SEMA3D: variants seen among roughly 807,000 people sequenced by gnomAD.
SEMA3D encodes the protein semaphorin-3D.
In SEMA3D, 84 loss-of-function variants were observed where a neutral mutation model predicts 100.1. That is an observed-to-expected ratio of 0.84 (90% CI 0.70 to 1.01). SEMA3D has a LOEUF of 1.01. Ranked by LOEUF, SEMA3D falls within the 50% of genes least tolerant of loss-of-function variation. The probability of loss-of-function intolerance (pLI) is 0.00; values close to 1 mark genes in which losing one functional copy is unlikely to be tolerated. For synonymous variants in SEMA3D, 312 were observed against 320.7 expected, an observed-to-expected ratio of 0.97 and a Z score of 0.29; for missense variants, 875 against 934.1, an observed-to-expected ratio of 0.94 and a Z score of 0.82.
At chr7:85,045,824 C>T (rs1465719734) in intron 9 of SEMA3D, among the ~76,000 whole-genome samples, 1 of 151,802 alleles carries the variant, frequency 6.6e-6, no homozygotes, top group Non-Finnish European at 1.5e-5. Context: ...TCTCATGGCT[C>T]TTGATTTAGA....
the SEMA3D span, among the ~76,000 whole-genome samples, chr7:85,200,976 T>C: frequency 6.6e-6 from 1 of 152,220 alleles, no homozygotes; most frequent in Non-Finnish European, 1.5e-5. Context: ...TAATTTCTCT[T>C]CTCTTTGAAT....
intron 5 of SEMA3D, among the ~76,000 whole-genome samples, chr7:85,078,163 A>G (rs1006578721): frequency 5.3e-5 from 8 of 152,168 alleles, no homozygotes; most frequent in African/African-American, 1.9e-4. Context: ...ATCTCTGGTT[A>G]GTGTTCATGG....
At chr7:85,085,581 AAGGCATC>A in intron 4 of SEMA3D, among the ~76,000 whole-genome samples, 1 of 152,294 alleles carries the variant, frequency 6.6e-6, no homozygotes, top group Middle Eastern at 3.4e-3. Context: ...TATGTCAGCC[AAGGCATC>A]AAATTGAGGT....
the SEMA3D span, among the ~76,000 whole-genome samples, chr7:85,216,518 A>G: frequency 9.2e-5 from 14 of 151,964 alleles, no homozygotes; most frequent in Admixed American, 5.3e-4. Flanking sequence ...TTACTGTCTC[A>G]CCAAGGAAAT....
chr7:85,108,739 T>C (rs1332690557), intron 3 of SEMA3D, among the ~76,000 whole-genome samples: 1 of 152,040 alleles, frequency 6.6e-6, no homozygotes, highest in Admixed American at 6.6e-5. Flanking sequence ...TGTGTGTTAA[T>C]TTATGCAATG....
the SEMA3D span, among the ~76,000 whole-genome samples, chr7:85,202,391 T>C: frequency 6.6e-6 from 1 of 151,986 alleles, no homozygotes; most frequent in Non-Finnish European, 1.5e-5. Context: ...AATGAACTCA[T>C]CATTTTTTAT....
intron 10 of SEMA3D, chr7:85,041,077 T>G (rs1584543957): frequency 5.6e-6 from 1 of 177,348 alleles, no homozygotes; most frequent in South Asian, 1.1e-4. Context: ...TTTTTTTTTT[T>G]GATGGAGTCT....
intron 12 of SEMA3D, among the ~76,000 whole-genome samples, chr7:85,032,001 A>G (rs1790564275): frequency 6.6e-6 from 1 of 151,992 alleles, no homozygotes; most frequent in Non-Finnish European, 1.5e-5. Context: ...AGTGCATATT[A>G]CAGAATATTA....
At chr7:85,079,644 A>C (rs1787998233) in intron 5 of SEMA3D, among the ~76,000 whole-genome samples, 1 of 152,220 alleles carries the variant, frequency 6.6e-6, no homozygotes, top group Non-Finnish European at 1.5e-5. Flanking sequence ...GTCAGAATTT[A>C]AACCTTCACT....
At chr7:85,009,261 G>A (rs1789885704) in intron 17 of SEMA3D, among the ~76,000 whole-genome samples, 1 of 151,482 alleles carries the variant, frequency 6.6e-6, no homozygotes, top group South Asian at 2.1e-4. Flanking sequence ...TGTCATTAAA[G>A]TGCAAGATTG....
At chr7:85,068,091 G>C (rs1791675355) in intron 7 of SEMA3D, 100 bp downstream of exon 7, 1 of 712,788 alleles carries the variant, frequency 1.4e-6, no homozygotes, top group Non-Finnish European at 2.4e-6. Context: ...TGGAAGATTA[G>C]TAAAAAATTA....
chr7:85,162,966 G>A (rs906774930), intron 1 of SEMA3D: 11 of 621,482 alleles, frequency 1.8e-5, no homozygotes, highest in Non-Finnish European at 2.2e-5. Context: ...ATGTCATAAG[G>A]CAGAGGTTTA....
rs375254494 is a variant in SEMA3D, at chr7:85,012,815, C to T, written c.1735G>A (p.Asp579Asn). ...ATGTCCCAGCACTGGGTGATTGGGT[C>T]GCCATATTTTACATCTTGGCGTCTA... ...RARRQDVKYGDPITQCWDIED... is the reference protein window; with the variant it reads ...RARRQDVKYGNPITQCWDIED... Residue 579 changes from aspartate (D) to asparagine (N), a missense_variant, in exon 17 of 19, where the codon GAC (aspartate) becomes AAC (asparagine). Transcript: ENST00000284136. The T allele has an allele frequency of 1.7e-5, 28 of 1,610,430 alleles. No homozygotes were observed. Among genetic ancestry groups the T allele is most frequent in the East Asian group, 2.2e-5 (1 of 44,756 alleles).
the SEMA3D span, among the ~76,000 whole-genome samples, chr7:85,250,148 C>T: frequency 0.15 from 22,858 of 151,668 alleles, 2,214 homozygotes; most frequent in East Asian, 0.36. Context: ...CCGAATACTG[C>T]GCTTTTCCGA....
upstream of SEMA3D, among the ~76,000 whole-genome samples, chr7:85,191,886 T>C (rs74829736): frequency 7.5e-3 from 1,149 of 152,256 alleles, 13 homozygotes; most frequent in African/African-American, 0.026. Context: ...CTTTGCTAAA[T>C]ATTGAGGTTT....
At chr7:85,187,875 G>GTAC (rs1374501178), upstream of SEMA3D, among the ~76,000 whole-genome samples, 1 of 152,174 alleles carries the variant, frequency 6.6e-6, no homozygotes, top group Non-Finnish European at 1.5e-5. Context: ...GGTGAGCCCT[G>GTAC]TACGTTAGGC....
At chr7:85,067,112 T>G (rs575397368) in intron 7 of SEMA3D, among the ~76,000 whole-genome samples, 1 of 152,250 alleles carries the variant, frequency 6.6e-6, no homozygotes, top group East Asian at 1.9e-4. Context: ...GTAAAAGAAG[T>G]GAACTGTCAC....
intron 2 of SEMA3D, among the ~76,000 whole-genome samples, chr7:85,145,456 A>G (rs997958785): frequency 6.6e-6 from 1 of 152,066 alleles, no homozygotes; most frequent in Non-Finnish European, 1.5e-5. Context: ...TTTGGTATTT[A>G]AGTACTATAT....
At chr7:85,068,443 T>C (rs1791686194) in intron 6 of SEMA3D, among the ~76,000 whole-genome samples, 159 bp from the exon 7 acceptor site, 1 of 152,172 alleles carries the variant, frequency 6.6e-6, no homozygotes, top group African/African-American at 2.4e-5. Context: ...TTAGCAAATA[T>C]ATCTGGCAAG....
Sources: gnomAD v4.1 joint callset for allele counts (sites outside exome capture counted in the v4.1 genomes callset) on GRCh38, gnomAD v4.1.1 for gene constraint, MANE v1.5 for transcripts, NCBI Gene and HGNC (gene_info 2026-07-23, HGNC 2026-07-21) for gene names.